The following MORN5 variants were observed in gnomAD, a reference collection of about 807,000 sequenced individuals.
The protein encoded by MORN5 is MORN repeat-containing protein 5.
A neutral mutation model predicts 22.1 loss-of-function variants in MORN5; 21 were observed. That is an observed-to-expected ratio of 0.95 (90% CI 0.67 to 1.37). The LOEUF (loss-of-function observed/expected upper bound fraction) is 1.37, where lower values mean the gene tolerates loss of function less well. Among genes scored for constraint, MORN5 ranks in the 40% most tolerant of loss-of-function variants. The probability of loss-of-function intolerance (pLI) is 0.00; values close to 1 mark genes in which losing one functional copy is unlikely to be tolerated. For synonymous variants in MORN5, 73 were observed against 74.0 expected, an observed-to-expected ratio of 0.99 and a Z score of 0.07; for missense variants, 211 against 215.1, an observed-to-expected ratio of 0.98 and a Z score of 0.12.
chr9:122,193,500 G>A (rs531097381), intron 4 of MORN5, among the ~76,000 whole-genome samples: 5 of 152,322 alleles, frequency 3.3e-5, no homozygotes, highest in South Asian at 2.1e-4. Context: ...CAGGAGAATC[G>A]CTTGAACCCG....
intron 4 of MORN5, among the ~76,000 whole-genome samples, chr9:122,188,911 G>T (rs1564422595): frequency 6.6e-6 from 1 of 152,142 alleles, no homozygotes. Flanking sequence ...TTAAAGATAT[G>T]TACCTGGACA....
chr9:122,166,652 G>A (rs1829288115), intron 1 of MORN5, 116 bp from the exon 2 acceptor site: 1 of 1,015,870 alleles, frequency 9.8e-7, no homozygotes, highest in East Asian at 2.6e-5. Flanking sequence ...GCAGAGTACT[G>A]CTGGGATGAG....
chr9:122,173,138 C>A (rs1312270634), intron 3 of MORN5, among the ~76,000 whole-genome samples: 1 of 152,150 alleles, frequency 6.6e-6, no homozygotes, highest in Admixed American at 6.6e-5. Context: ...TTTCCCGAAC[C>A]TGCCTGGCTC....
Position 122,196,611 on chromosome 9 carries a change from G to A in MORN5, c.440-3274G>A, listed in dbSNP as rs189731772. ...CTCCCAAAGTGCTGGGATTACAGGC[G>A]TAAGCCACCGCGCCCGGCAAAAGCC... On this transcript the variant is annotated intron_variant, in intron 4 of 4. Transcript: ENST00000373764. Among the ~76,000 whole-genome samples, 222 of 152,178 alleles carry A rather than the reference G, an allele frequency of 1.5e-3. 1 individual carries two copies. The highest frequency in any genetic ancestry group is 4.3e-3 in the African/African-American group (179 of 41,490).
At chr9:122,180,113 T>G (rs951940089) in intron 4 of MORN5, among the ~76,000 whole-genome samples, 5 of 152,222 alleles carry the variant, frequency 3.3e-5, no homozygotes, top group African/African-American at 1.2e-4. Flanking sequence ...GAACATCTAC[T>G]GTGTGCCAGG....
intron 4 of MORN5, among the ~76,000 whole-genome samples, chr9:122,187,287 T>C (rs1281811796): frequency 6.6e-6 from 1 of 152,222 alleles, no homozygotes; most frequent in Non-Finnish European, 1.5e-5. Context: ...AAGTCTGGCC[T>C]CCTCCCATCT....
chr9:122,172,549 T>A (rs1829381833), intron 3 of MORN5, among the ~76,000 whole-genome samples: 1 of 152,136 alleles, frequency 6.6e-6, no homozygotes, highest in Non-Finnish European at 1.5e-5. Context: ...CTCCTTCCCG[T>A]ACTTCAGTTC....
chr9:122,167,195 G>A (rs1193372753), intron 2 of MORN5, among the ~76,000 whole-genome samples: 1 of 150,790 alleles, frequency 6.6e-6, no homozygotes, highest in Non-Finnish European at 1.5e-5. Flanking sequence ...CTACGGGCGT[G>A]CACCACCATG....
intron 4 of MORN5, among the ~76,000 whole-genome samples, chr9:122,193,541 C>T (rs1424319909): frequency 2.6e-5 from 4 of 152,230 alleles, no homozygotes; most frequent in East Asian, 3.8e-4. Flanking sequence ...ACCAAGATTG[C>T]GCCACTGCAC....
intron 4 of MORN5, among the ~76,000 whole-genome samples, chr9:122,180,188 T>TC (rs200767863): frequency 0.024 from 3,605 of 152,130 alleles, 71 homozygotes; most frequent in South Asian, 0.055. Flanking sequence ...CGACCCGCAG[T>TC]AAGGAATGTT....
intron 2 of MORN5, among the ~76,000 whole-genome samples, 158 bp from the exon 3 acceptor site, chr9:122,169,487 T>C (rs771647000): frequency 7.2e-5 from 11 of 152,196 alleles, no homozygotes; most frequent in Non-Finnish European, 1.5e-4. Flanking sequence ...TCGGCACTTA[T>C]ACCCATTCCC....
At chr9:122,161,458 C>T (rs1421088927) in intron 1 of MORN5, among the ~76,000 whole-genome samples, 14 of 152,314 alleles carry the variant, frequency 9.2e-5, no homozygotes, top group African/African-American at 4.8e-5. Context: ...TGTGTACTCC[C>T]TCTCACTACT....
chr9:122,198,169 A>G lies in MORN5; in HGVS notation c.440-1716A>G, dbSNP rs188353650. 2.7e-4 allele frequency among the ~76,000 whole-genome samples: 41 copies of G among 152,308 alleles called. No individual in the cohort carries two copies. The East Asian group carries it at 5.2e-3, about 19-fold the overall frequency. On this transcript the variant is annotated intron_variant, in intron 4 of 4. Transcript: ENST00000373764. The stretch of plus-strand genomic sequence containing the variant: ...CTGACTGGGCTGTTACAAAGATCCA[A>G]TGAGACACAGTGTCTGCAAAGCACC...
intron 4 of MORN5, among the ~76,000 whole-genome samples, chr9:122,187,331 G>T (rs1031770164): frequency 6.6e-6 from 1 of 152,198 alleles, no homozygotes; most frequent in East Asian, 1.9e-4. Context: ...TGGACTAGAG[G>T]TCTGTGGTTT....
At chr9:122,183,031 C>T (rs1326828972) in intron 4 of MORN5, among the ~76,000 whole-genome samples, 1 of 152,208 alleles carries the variant, frequency 6.6e-6, no homozygotes, top group Non-Finnish European at 1.5e-5. Flanking sequence ...TGTTCCCCCA[C>T]CAAGCACAGT....
intron 4 of MORN5, among the ~76,000 whole-genome samples, chr9:122,183,869 A>C (rs1829571900): frequency 6.6e-6 from 1 of 152,246 alleles, no homozygotes; most frequent in Admixed American, 6.5e-5. Context: ...ACCAGTGATT[A>C]TTTGCAGAGA....
intron 4 of MORN5, among the ~76,000 whole-genome samples, chr9:122,183,618 A>G (rs1224765949): frequency 6.6e-6 from 1 of 152,200 alleles, no homozygotes; most frequent in Non-Finnish European, 1.5e-5. Context: ...ACCATCCTCA[A>G]AGAATATCCT....
At chr9:122,174,468 A>T (rs758341107) in intron 3 of MORN5, 28 bp from the exon 4 acceptor site, 1 of 1,610,922 alleles carries the variant, frequency 6.2e-7, no homozygotes, top group Non-Finnish European at 8.5e-7. Flanking sequence ...CTTCATGGTG[A>T]ACTAATTGCC....
chr9:122,163,470 G>C (rs546962625), intron 1 of MORN5, among the ~76,000 whole-genome samples: 1 of 152,262 alleles, frequency 6.6e-6, no homozygotes, highest in Non-Finnish European at 1.5e-5. Context: ...CGTCCTTAAA[G>C]GCTTCGTGGA....
Sources: allele counts gnomAD v4.1 joint callset (sites outside exome capture counted in the v4.1 genomes callset), GRCh38; gene constraint gnomAD v4.1.1; transcripts MANE v1.5; gene names NCBI Gene and HGNC (gene_info 2026-07-23, HGNC 2026-07-21).